SH2D3C: variants seen among roughly 807,000 people sequenced by gnomAD.
SH2D3C encodes the protein SH2 domain containing 3C, also known as SH2 domain-containing protein 3C.
A neutral mutation model predicts 75.2 loss-of-function variants in SH2D3C; 25 were observed. The observed-to-expected ratio is 0.33, with a 90% CI of 0.24 to 0.46. The LOEUF (loss-of-function observed/expected upper bound fraction) is 0.46, where lower values mean the gene tolerates loss of function less well. Among genes scored for constraint, SH2D3C ranks in the 20% least tolerant of loss-of-function variants. The pLI is 1.00. For synonymous variants in SH2D3C, 450 were observed against 473.7 expected, an observed-to-expected ratio of 0.95 and a Z score of 0.65; for missense variants, 933 against 1,165.3, an observed-to-expected ratio of 0.80 and a Z score of 2.90.
Position 127,774,409 on chromosome 9 carries a change from CAG to C in SH2D3C, c.94_95del (p.Leu32GlufsTer9). On this transcript the variant is annotated frameshift_variant, in exon 2 of 12. Coordinates refer to ENST00000314830, the MANE Select transcript of SH2D3C (RefSeq NM_170600.3). LOFTEE classifies it high-confidence loss of function. The surrounding 1 kb of genome is among the most constrained non-coding windows in gnomAD (Gnocchi z 4.3). Reference sequence around the variant, plus strand: ...TACTGATGGAAGCTGAGGATCGTCTCAGAGTGAAGGACCGAGGGAGGTTGGAG... The same window carrying C: ...TACTGATGGAAGCTGAGGATCGTCTCAGTGAAGGACCGAGGGAGGTTGGAG... The part of the protein sequence containing the change: ...SLSNLPRSFT[L>X]RRSSASISRQ... 1 of 1,613,692 alleles carries C rather than the reference CAG, an allele frequency of 6.2e-7. No homozygotes were observed. Among genetic ancestry groups the C allele is most frequent in the Non-Finnish European group, 8.5e-7 (1 of 1,179,738 alleles).
chr9:127,754,868 G>T lies in SH2D3C; in HGVS notation c.556-3568C>A, dbSNP rs1258346176. ...TACCGCAGCCCAGAGTCCCAGGAGT[G>T]GCCGCCGAACCCTCACCCCGCGGAG... is the stretch of plus-strand genomic sequence containing the variant. On this transcript the variant is annotated intron_variant, in intron 3 of 11. Coordinates refer to ENST00000314830, the MANE Select transcript of SH2D3C (RefSeq NM_170600.3). This position sits in a 1 kb window ranked among gnomAD's most constrained non-coding sequence, Gnocchi z 4.4. The T allele has an allele frequency of 2.0e-6, 1 of 502,218 alleles. No homozygotes were observed. The highest frequency in any genetic ancestry group is 2.3e-5 in the Admixed American group (1 of 43,420). The allele number at this position is 502,218 out of a possible 1,614,324, so 31.1% of individuals were successfully genotyped here.
intron 7 of SH2D3C, 99 bp from the exon 8 acceptor site, chr9:127,743,063 T>G (rs904681546): frequency 1.3e-6 from 1 of 758,128 alleles, no homozygotes; most frequent in Non-Finnish European, 2.1e-6. Context: ...GTAGCCTGGT[T>G]GGGAGGCGGG....
At chr9:127,748,998 G>A (rs1845114678) in intron 5 of SH2D3C, among the ~76,000 whole-genome samples, 1 of 152,198 alleles carries the variant, frequency 6.6e-6, no homozygotes, top group Non-Finnish European at 1.5e-5. Context: ...GCCAGCGAGT[G>A]GCAGAGCTGG....
chr9:127,756,470 G>A (rs190736577), intron 3 of SH2D3C, among the ~76,000 whole-genome samples: 4 of 152,188 alleles, frequency 2.6e-5, no homozygotes, highest in Admixed American at 1.3e-4. Context: ...TCAGTTGTTT[G>A]TTTGTTTTCT....
chr9:127,742,966 T>C lies in SH2D3C; in HGVS notation c.1801-2A>G. On this transcript the variant is annotated splice_acceptor_variant, in intron 7 of 11. Transcript: ENST00000314830. LOFTEE classifies it high-confidence loss of function. ...GGTAACGCCCAGTATCCTAGCAACC[T>C]GCAAAGACGCCCAGAGGGCTGATTA... is the stretch of plus-strand genomic sequence containing the variant. 6.2e-7 allele frequency: 1 copy of C among 1,609,448 alleles called. No homozygotes were observed. The highest frequency in any genetic ancestry group is 8.5e-7 in the Non-Finnish European group (1 of 1,176,220).
At chr9:127,759,841 G>A (rs553878476) in intron 3 of SH2D3C, among the ~76,000 whole-genome samples, 6 of 152,058 alleles carry the variant, frequency 3.9e-5, no homozygotes, top group Non-Finnish European at 7.4e-5. Flanking sequence ...AAATTAGCCC[G>A]GCGTGGTGGC....
rs865860533 is a variant in SH2D3C, at chr9:127,774,312, G to A, written c.193C>T (p.Pro65Ser). Reference protein sequence around the residue: ...DDMVTVPKSPPAYARSSDMYS... With the variant: ...DDMVTVPKSPSAYARSSDMYS... ...ATGTCACTGGAGCGGGCATAGGCTG[G>A]GGGACTCTTGGGCACCGTCACCATG... Residue 65 changes from proline (P) to serine (S), a missense_variant, in exon 2 of 12, where the codon CCA becomes TCA. Coordinates refer to ENST00000314830, the MANE Select transcript of SH2D3C (RefSeq NM_170600.3). This position sits in a 1 kb window ranked among gnomAD's most constrained non-coding sequence, Gnocchi z 4.3. The A allele has an allele frequency of 1.2e-6, 2 of 1,614,024 alleles. No individual in the cohort carries two copies. Among genetic ancestry groups the A allele is most frequent in the Non-Finnish European group, 1.7e-6 (2 of 1,180,016 alleles).
At chr9:127,758,429 T>C (rs968468789) in intron 3 of SH2D3C, among the ~76,000 whole-genome samples, 1 of 151,198 alleles carries the variant, frequency 6.6e-6, no homozygotes, top group Non-Finnish European at 1.5e-5. Context: ...AGGAAAAAAA[T>C]ATAAAGCCAA....
rs2131737163 is a variant in SH2D3C at position 127,742,780 on chromosome 9, G to GC, written c.1916+68dup. The GC allele has an allele frequency of 2.4e-6, 3 of 1,253,252 alleles. No individual in the cohort carries two copies. The South Asian group carries it at 4.2e-5, about 17-fold the overall frequency. The allele number at this position is 1,253,252 out of a possible 1,614,324, so 77.6% of individuals were successfully genotyped here. On this transcript the variant is annotated intron_variant, in intron 8 of 11. Transcript: ENST00000314830. ...AGCTGAGGCTGTGATTGGCCAACCC[G>GC]CCCCGTCCAGCGGGGAGTGCGGTAG...
intron 2 of SH2D3C, among the ~76,000 whole-genome samples, chr9:127,765,635 C>T (rs1254958244): frequency 1.3e-5 from 2 of 152,136 alleles, no homozygotes; most frequent in Non-Finnish European, 2.9e-5. Flanking sequence ...CGTGCTGTTC[C>T]CTCTGCCTAG....
At chr9:127,752,170 G>A (rs916424332) in intron 3 of SH2D3C, among the ~76,000 whole-genome samples, 2 of 152,148 alleles carry the variant, frequency 1.3e-5, no homozygotes, top group Non-Finnish European at 2.9e-5. Flanking sequence ...GGCCCTAAGG[G>A]AAGAGGAAAG....
chr9:127,745,332 G>A (rs1844996371), intron 6 of SH2D3C, among the ~76,000 whole-genome samples: 1 of 152,096 alleles, frequency 6.6e-6, no homozygotes, highest in South Asian at 2.1e-4. Context: ...CCACCCTGAG[G>A]CTGCTGCAGC....
chr9:127,742,087 C>T, intron 8 of SH2D3C, 128 bp from the exon 9 acceptor site: 1 of 872,838 alleles, frequency 1.1e-6, no homozygotes, highest in East Asian at 2.7e-5. Flanking sequence ...TTGTAAGGGT[C>T]AATGGGATAA....
chr9:127,771,648 C>T lies in SH2D3C; in HGVS notation c.515+2342G>A, dbSNP rs572667053. ...TCGCCCCACCCCGCCCCGCCCCGCT[C>T]CCGCGAAACTCGGCTTCCCTGGGTG... On this transcript the variant is annotated intron_variant, in intron 2 of 11. Transcript: ENST00000314830. Among the ~76,000 whole-genome samples the T allele has an allele frequency of 6.6e-5, 10 of 152,330 alleles. No homozygotes were observed. The South Asian group carries it at 2.1e-3, about 32-fold the overall frequency.
chr9:127,741,419 A>G (rs752075484), intron 9 of SH2D3C, among the ~76,000 whole-genome samples: 20 of 151,916 alleles, frequency 1.3e-4, no homozygotes, highest in Non-Finnish European at 2.8e-4. Flanking sequence ...TGTACTTTTT[A>G]GTAGAAACGG....
intron 2 of SH2D3C, among the ~76,000 whole-genome samples, chr9:127,764,204 T>C (rs905495265): frequency 2.6e-5 from 4 of 152,122 alleles, no homozygotes; most frequent in Admixed American, 6.5e-5. Flanking sequence ...CCAGAGCCTA[T>C]AGGGGTGCTC....
chr9:127,742,995 T>A, intron 7 of SH2D3C, 31 bp from the exon 8 acceptor site: 11 of 1,547,764 alleles, frequency 7.1e-6, no homozygotes, highest in Non-Finnish European at 9.8e-6. Flanking sequence ...CTGATTAATA[T>A]CCTGTCAGGG....
intron 10 of SH2D3C, 39 bp downstream of exon 10, chr9:127,740,219 G>T: frequency 6.4e-7 from 1 of 1,552,822 alleles, no homozygotes; most frequent in Non-Finnish European, 8.9e-7. Flanking sequence ...ACCCCAGGGA[G>T]GGCTGCAGCC....
At chr9:127,771,703 T>G (rs1393836557) in intron 2 of SH2D3C, among the ~76,000 whole-genome samples, 1 of 151,942 alleles carries the variant, frequency 6.6e-6, no homozygotes, top group Admixed American at 6.5e-5. Flanking sequence ...TGCAGTCTCA[T>G]ACCTTGGGGT....
Sources: gnomAD v4.1 joint callset for allele counts (sites outside exome capture counted in the v4.1 genomes callset) on GRCh38, gnomAD v4.1.1 for gene constraint, Gnocchi (gnomAD v3.1) non-coding constraint, MANE v1.5 for transcripts, NCBI Gene and HGNC (gene_info 2026-07-23, HGNC 2026-07-21) for gene names.